CA9: variants seen among roughly 807,000 people sequenced by gnomAD.
The protein encoded by CA9 is CA-IX.
In CA9, 43 loss-of-function variants were observed where a neutral mutation model predicts 51.8. The ratio of observed to expected loss-of-function variants is 0.83; its 90% CI spans 0.65 to 1.07. CA9 has a LOEUF of 1.07. Among genes scored for constraint, CA9 ranks in the 50% least tolerant of loss-of-function variants. The probability of loss-of-function intolerance (pLI) is 0.00; values close to 1 mark genes in which losing one functional copy is unlikely to be tolerated. For missense variants in CA9, 574 were observed against 581.4 expected, an observed-to-expected ratio of 0.99 and a Z score of 0.13; for synonymous variants, 253 against 244.2, an observed-to-expected ratio of 1.04 and a Z score of -0.34.
chr9:35,675,489 AGG>A (rs1294300482), intron 1 of CA9, 47 bp from the exon 2 acceptor site: 2 of 1,609,068 alleles, frequency 1.2e-6, no homozygotes, highest in Non-Finnish European at 1.7e-6. Flanking sequence ...GTCGCCAGGA[AGG>A]GATTGGGGCT....
chr9:35,679,391 G>A, intron 7 of CA9, 49 bp downstream of exon 7: 1 of 1,572,878 alleles, frequency 6.4e-7, no homozygotes, highest in Non-Finnish European at 8.6e-7. Flanking sequence ...GAAAGAGGAT[G>A]TAAGATGAGA....
rs1286387086 is a variant in CA9 at position 35,678,202 on chromosome 9, C to T, written c.907+346C>T. ...TCTACTAAAAATACGAAAAAATAGC[C>T]AGGCGTGGTGGCGGGTGCCTGTAAT... On this transcript the variant is annotated intron_variant, in intron 6 of 10. Transcript: ENST00000378357. Among the ~76,000 whole-genome samples the T allele has an allele frequency of 1.3e-5, 2 of 151,862 alleles. 1 individual carries two copies. Among genetic ancestry groups the T allele is most frequent in the Non-Finnish European group, 2.9e-5 (2 of 67,980 alleles).
At chr9:35,677,051 C>T (rs914938309) in intron 5 of CA9, among the ~76,000 whole-genome samples, 2 of 151,880 alleles carry the variant, frequency 1.3e-5, no homozygotes, top group African/African-American at 4.8e-5. Flanking sequence ...GACAGGGTTT[C>T]ACCATGTTGG....
Position 35,674,314 on chromosome 9 carries a change from C to T in CA9, c.355C>T (p.Pro119Ser). 3.7e-6 allele frequency: 6 copies of T among 1,613,960 alleles called. No homozygotes were observed. Among genetic ancestry groups the T allele is most frequent in the Non-Finnish European group, 5.1e-6 (6 of 1,179,944 alleles). Reference sequence around the variant, plus strand: ...AGAGGATCTACCTACTGTTGAGGCTCCTGGAGATCCTCAAGAACCCCAGAA... The same window carrying T: ...AGAGGATCTACCTACTGTTGAGGCTTCTGGAGATCCTCAAGAACCCCAGAA... ...KLEDLPTVEA[P>S]GDPQEPQNNA... is the part of the protein sequence containing the mutation. Residue 119 changes from proline (P) to serine (S), a missense_variant, in exon 1 of 11, where the codon CCT becomes TCT. By Grantham distance (74) the Pro-to-Ser change is moderately conservative. Coordinates refer to ENST00000378357, the MANE Select transcript of CA9 (RefSeq NM_001216.3).
Position 35,677,648 on chromosome 9 carries a change from A to G in CA9, c.841-142A>G, listed in dbSNP as rs1456118210. On this transcript the variant is annotated intron_variant, in intron 5 of 10. Coordinates refer to ENST00000378357, the MANE Select transcript of CA9 (RefSeq NM_001216.3). ...AAAACAACAGCAACAACAAAAAGCA[A>G]CAACCATTACAATTTTATGTTCCCT... 6.1e-6 allele frequency: 4 copies of G among 651,862 alleles called. No homozygotes were observed. The East Asian group carries it at 1.1e-4, about 18-fold the overall frequency. The allele number at this position is 651,862 out of a possible 1,614,324, so 40.4% of individuals were successfully genotyped here. A position where few individuals can be genotyped will look rare whatever the true frequency, so the allele number is the denominator to read the frequency against.
rs137897809 is a variant in CA9, at chr9:35,674,211, T to C, written c.252T>C (p.Pro84=). The change falls in exon 1 of 11, where the codon CCT becomes CCC. Residue 84 remains proline (P), a synonymous_variant. Coordinates refer to ENST00000378357, the MANE Select transcript of CA9 (RefSeq NM_001216.3). The stretch of plus-strand genomic sequence containing the variant: ...ATCCACCCGGAGAGGAGGATCTACC[T>C]GGAGAGGAGGATCTACCTGGAGAGG... The part of the protein sequence containing the change: ...EEDPPGEEDL[P]GEEDLPGEED... 14 of 1,509,206 alleles carry C rather than the reference T, an allele frequency of 9.3e-6. No individual in the cohort carries two copies. In the African/African-American group the frequency reaches 9.7e-5, roughly 10 times the overall value. The allele number at this position is 1,509,206 out of a possible 1,614,324, so 93.5% of individuals were successfully genotyped here.
At chr9:35,678,700 C>CTTTTTTTT (rs71800585) in intron 6 of CA9, among the ~76,000 whole-genome samples, 1 of 131,948 alleles carries the variant, frequency 7.6e-6, no homozygotes, top group Non-Finnish European at 1.6e-5. Flanking sequence ...CTTTTCTTTT[C>CTTTTTTTT]TTTTTTTTTT....
At chr9:35,680,395 C>T (rs993453478) in intron 9 of CA9, among the ~76,000 whole-genome samples, 1 of 152,082 alleles carries the variant, frequency 6.6e-6, no homozygotes, top group Non-Finnish European at 1.5e-5. Flanking sequence ...TAGGGTCTCA[C>T]TCTGTTGCCC....
In CA9 at chr9:35,676,147, G is replaced by C; in HGVS notation, c.688G>C (p.Gly230Arg). ...YRALQLHLHWGAAGRPGSEHT... is the reference protein window; with the variant it reads ...YRALQLHLHWRAAGRPGSEHT... ...GGCTCTGCAGCTGCATCTGCACTGG[G>C]GGGCTGCAGGTCGTCCGGGCTCGGA... The change falls in exon 4 of 11, where the codon GGG (glycine) becomes CGG (arginine). Residue 230 changes from glycine to arginine, a missense_variant. Gly to Arg is a moderately radical substitution (Grantham distance 125). Transcript: ENST00000378357. 1.5e-5 allele frequency: 25 copies of C among 1,613,314 alleles called. No individual in the cohort carries two copies. The highest frequency in any genetic ancestry group is 2.1e-5 in the Non-Finnish European group (25 of 1,179,664).
chr9:35,678,232 G>GCTA (rs1824461155), intron 6 of CA9, among the ~76,000 whole-genome samples: 1 of 151,694 alleles, frequency 6.6e-6, no homozygotes, highest in Non-Finnish European at 1.5e-5. Flanking sequence ...TGTAATCCCA[G>GCTA]CTACTCGGGA....
At chr9:35,675,591 G>C in intron 2 of CA9, 24 bp downstream of exon 2, 1 of 1,613,736 alleles carries the variant, frequency 6.2e-7, no homozygotes, top group Non-Finnish European at 8.5e-7. Flanking sequence ...CCGCTGCACA[G>C]ACCCAATCTG....
chr9:35,679,794 T>C, intron 7 of CA9, 60 bp from the exon 8 acceptor site: 2 of 1,518,462 alleles, frequency 1.3e-6, no homozygotes, highest in Non-Finnish European at 1.8e-6. Flanking sequence ...TGAGCTGGCC[T>C]GGGACCCTTG....
chr9:35,679,815 T>A, intron 7 of CA9, 39 bp from the exon 8 acceptor site: 1 of 1,538,998 alleles, frequency 6.5e-7, no homozygotes, highest in Non-Finnish European at 8.7e-7. Flanking sequence ...TTTCCTGTCA[T>A]GCCATGAACC....
chr9:35,674,492 T>C, intron 1 of CA9, 130 bp downstream of exon 1: 1 of 782,102 alleles, frequency 1.3e-6, no homozygotes, highest in Non-Finnish European at 2.0e-6. Flanking sequence ...CTTCCAGAGG[T>C]CCCATACCAA....
In CA9 at chr9:35,677,807, CAG is replaced by C; in HGVS notation, c.859_860del (p.Ser287CysfsTer3). On this transcript the variant is annotated frameshift_variant, in exon 6 of 11. Coordinates refer to ENST00000378357, the MANE Select transcript of CA9 (RefSeq NM_001216.3). LOFTEE classifies it high-confidence loss of function. ...AFLEEGPEENSAYEQLLSRLE... is the reference protein window; with the variant it reads ...AFLEEGPEENXAYEQLLSRLE... ...TCCCCCAGGAGGGCCCGGAAGAAAA[CAG>C]TGCCTATGAGCAGTTGCTGTCTCGC... 6.2e-7 allele frequency: 1 copy of C among 1,614,108 alleles called. No individual in the cohort carries two copies. Among genetic ancestry groups the C allele is most frequent in the South Asian group, 1.1e-5 (1 of 91,084 alleles).
At chr9:35,677,724 A>G in intron 5 of CA9, 66 bp from the exon 6 acceptor site, 1 of 1,267,710 alleles carries the variant, frequency 7.9e-7, no homozygotes, top group Non-Finnish European at 1.2e-6. Flanking sequence ...ACCCCCCTTC[A>G]TGTTCCGGCC....
intron 6 of CA9, among the ~76,000 whole-genome samples, chr9:35,678,214 C>T (rs1021691109): frequency 4.6e-5 from 7 of 151,918 alleles, no homozygotes; most frequent in African/African-American, 9.7e-5. Context: ...GGCGTGGTGG[C>T]GGGTGCCTGT....
At chr9:35,675,995 G>T in intron 3 of CA9, 64 bp downstream of exon 3, 3 of 1,603,208 alleles carry the variant, frequency 1.9e-6, no homozygotes, top group South Asian at 2.2e-5. Context: ...AACCGTCGCG[G>T]CAGTGCCTGC....
Position 35,676,089 on chromosome 9 carries a change from A to G in CA9, c.630A>G (p.Leu210=), listed in dbSNP as rs1449928782. The G allele has an allele frequency of 1.9e-6, 3 of 1,613,260 alleles. No individual in the cohort carries two copies. Among genetic ancestry groups the G allele is most frequent in the Middle Eastern group, 1.7e-4 (1 of 5,988 alleles). ...TGCAACTGACCCTGCCTCCTGGGCT[A>G]GAGATGGCTCTGGGTCCCGGGCGGG... is the stretch of plus-strand genomic sequence containing the variant. ...HSVQLTLPPG[L]EMALGPGREY... The change falls in exon 4 of 11, where the codon CTA becomes CTG. Residue 210 remains leucine (L), a synonymous_variant. Coordinates refer to ENST00000378357, the MANE Select transcript of CA9 (RefSeq NM_001216.3).
Sources: gnomAD v4.1 joint callset for allele counts (sites outside exome capture counted in the v4.1 genomes callset) on GRCh38, gnomAD v4.1.1 for gene constraint, MANE v1.5 for transcripts, NCBI Gene and HGNC (gene_info 2026-07-23, HGNC 2026-07-21) for gene names.